IFT80: variants seen among roughly 807,000 people sequenced by gnomAD.
IFT80 encodes intraflagellar transport protein 80 homolog.
Under a neutral mutation model 107.9 loss-of-function variants are expected in IFT80, and 79 were observed. That is an observed-to-expected ratio of 0.73 (90% CI 0.61 to 0.88). The LOEUF is 0.88. Ranked by LOEUF, IFT80 falls within the 40% of genes least tolerant of loss-of-function variation. The pLI is 0.00. For synonymous variants in IFT80, 299 were observed against 300.9 expected (o/e 0.99, Z 0.07); for missense variants, 797 against 914.2 (o/e 0.87, Z 1.65).
chr3:160,295,099 G>C lies in IFT80; in HGVS notation c.1315+5784C>G, dbSNP rs188931328. On this transcript the variant is annotated intron_variant, in intron 12 of 19. Transcript: ENST00000326448. ...TAAGACAGACAGAACATATGTTTGG[G>C]TCAATAGGTAAATGAAAAGATGCTC... Among the ~76,000 whole-genome samples the C allele has an allele frequency of 3.7e-3, 556 of 152,172 alleles. 3 individuals are homozygous for C. The highest frequency in any genetic ancestry group is 5.5e-3 in the Non-Finnish European group (372 of 67,978).
At position 160,277,302 on chromosome 3, in the gene IFT80, T is replaced by C. The variant is rs754398043; in HGVS notation, c.2099+4A>G. 3.4e-5 allele frequency: 54 copies of C among 1,610,328 alleles called. No individual in the cohort carries two copies. In the East Asian group the frequency reaches 9.8e-4, roughly 29 times the overall value. On this transcript the variant is annotated splice_donor_region_variant and intron_variant, in intron 18 of 19. Coordinates refer to ENST00000326448, the MANE Select transcript of IFT80 (RefSeq NM_020800.3). Reference sequence around the variant, plus strand: ...TTGGAACTGATGGAAAGCATTCTTATTACCTTTCCCAGTTGTAGAGATTAA... The same window carrying C: ...TTGGAACTGATGGAAAGCATTCTTACTACCTTTCCCAGTTGTAGAGATTAA...
chr3:160,289,142 A>G (rs902523827), intron 12 of IFT80, among the ~76,000 whole-genome samples: 2 of 152,320 alleles, frequency 1.3e-5, no homozygotes, highest in South Asian at 2.1e-4. Flanking sequence ...AAAAAATGAG[A>G]TCATGTTCTT....
intron 19 of IFT80, 40 bp from the exon 20 acceptor site, chr3:160,258,675 T>C (rs1243651914): frequency 3.1e-6 from 5 of 1,601,624 alleles, no homozygotes; most frequent in Non-Finnish European, 4.2e-6. Flanking sequence ...GCTTAGATAG[T>C]GTAAGACATT....
At position 160,303,993 on chromosome 3, in the gene IFT80, A is replaced by G; in HGVS notation, c.1077-4T>C. 1 of 1,578,852 alleles carries G rather than the reference A, an allele frequency of 6.3e-7. No individual in the cohort carries two copies. The highest frequency in any genetic ancestry group is 8.7e-7 in the Non-Finnish European group (1 of 1,148,308). Reference sequence around the variant, plus strand: ...TGGTGTGTTCCAGTTCTTCGTGCTAAAAGACAAGTAAAATGGATATTTATT... The same window carrying G: ...TGGTGTGTTCCAGTTCTTCGTGCTAGAAGACAAGTAAAATGGATATTTATT... On this transcript the variant is annotated splice_polypyrimidine_tract_variant and splice_region_variant and intron_variant, in intron 10 of 19. Transcript: ENST00000326448.
intron 8 of IFT80, among the ~76,000 whole-genome samples, chr3:160,329,996 C>T (rs1718975050): frequency 6.6e-6 from 1 of 152,170 alleles, no homozygotes; most frequent in African/African-American, 2.4e-5. Context: ...CCAGCAGCAT[C>T]AACATCATGT....
At chr3:160,372,845 G>T (rs1432083595) in intron 5 of IFT80, among the ~76,000 whole-genome samples, 2 of 151,978 alleles carry the variant, frequency 1.3e-5, no homozygotes, top group Non-Finnish European at 1.5e-5. Context: ...TGTATTATAT[G>T]GTATAATCTG....
chr3:160,361,677 T>C (rs1017588174), intron 6 of IFT80, among the ~76,000 whole-genome samples: 4 of 152,156 alleles, frequency 2.6e-5, no homozygotes, highest in African/African-American at 9.7e-5. Flanking sequence ...ACAAACTGTC[T>C]CTCAGACCAC....
chr3:160,339,656 C>T (rs537458602), intron 8 of IFT80, among the ~76,000 whole-genome samples: 25 of 151,866 alleles, frequency 1.6e-4, no homozygotes, highest in African/African-American at 5.8e-4. Context: ...TCGTTTGATA[C>T]AAATAATTTC....
At chr3:160,291,486 G>T (rs779436938) in intron 12 of IFT80, among the ~76,000 whole-genome samples, 2 of 152,144 alleles carry the variant, frequency 1.3e-5, no homozygotes, top group African/African-American at 4.8e-5. Context: ...GTTGACACTC[G>T]GACAGTGGCC....
intron 8 of IFT80, among the ~76,000 whole-genome samples, chr3:160,323,547 G>T (rs1049350401): frequency 2.0e-5 from 3 of 151,984 alleles, no homozygotes; most frequent in Non-Finnish European, 2.9e-5. Context: ...ATAATGAAAT[G>T]AAGGCAGAAA....
intron 12 of IFT80, among the ~76,000 whole-genome samples, chr3:160,297,909 G>A (rs1379844076): frequency 6.6e-6 from 1 of 152,096 alleles, no homozygotes; most frequent in African/African-American, 2.4e-5. Flanking sequence ...ACATGTAATA[G>A]AAACTGGCAG....
At chr3:160,268,928 G>A (rs1478834240) in intron 18 of IFT80, among the ~76,000 whole-genome samples, 2 of 152,048 alleles carry the variant, frequency 1.3e-5, no homozygotes, top group African/African-American at 2.4e-5. Flanking sequence ...TGGTAAATAT[G>A]CATTGAAAAT....
intron 9 of IFT80, among the ~76,000 whole-genome samples, chr3:160,309,617 GT>G (rs1269303478): frequency 3.3e-5 from 5 of 152,106 alleles, no homozygotes; most frequent in Non-Finnish European, 7.3e-5. Flanking sequence ...ACCCCGGGAG[GT>G]GGAGCTTGCA....
chr3:160,279,169 C>T, intron 16 of IFT80, 24 bp downstream of exon 16: 4 of 1,591,756 alleles, frequency 2.5e-6, no homozygotes, highest in Non-Finnish European at 3.4e-6. Context: ...ATATATACAA[C>T]TATGAATCTA....
intron 8 of IFT80, among the ~76,000 whole-genome samples, chr3:160,340,983 G>A (rs115573242): frequency 3.9e-5 from 6 of 151,934 alleles, no homozygotes; most frequent in African/African-American, 9.7e-5. Context: ...ATTTAGATAT[G>A]AGCATAAACA....
intron 6 of IFT80, among the ~76,000 whole-genome samples, chr3:160,361,941 A>G (rs1214282728): frequency 6.6e-6 from 1 of 152,224 alleles, no homozygotes; most frequent in Non-Finnish European, 1.5e-5. Context: ...TCTAAAATTG[A>G]CACCCTAACA....
At chr3:160,388,117 C>T (rs969781265) in intron 1 of IFT80, among the ~76,000 whole-genome samples, 8 of 151,718 alleles carry the variant, frequency 5.3e-5, no homozygotes, top group Admixed American at 5.2e-4. Flanking sequence ...CAATTAGCCG[C>T]ATGCTAAAAT....
intron 18 of IFT80, among the ~76,000 whole-genome samples, chr3:160,275,645 A>C (rs1209855346): frequency 6.6e-6 from 1 of 152,126 alleles, no homozygotes; most frequent in Non-Finnish European, 1.5e-5. Flanking sequence ...CATTACCTTA[A>C]ATTTTTTTTT....
chr3:160,322,226 C>T lies in IFT80; in HGVS notation c.778-2287G>A, dbSNP rs530708456. On this transcript the variant is annotated intron_variant, in intron 8 of 19. Coordinates refer to ENST00000326448, the MANE Select transcript of IFT80 (RefSeq NM_020800.3). ...ACAGTCCCCAGAGTGTGATGTTCCC[C>T]TTCCTGTGTCCATGTGTTCTCATTG... Among the ~76,000 whole-genome samples the T allele has an allele frequency of 1.1e-4, 16 of 147,064 alleles. No individual in the cohort carries two copies. The South Asian group carries it at 3.3e-3, about 31-fold the overall frequency.
Sources: gnomAD v4.1 joint callset for allele counts (sites outside exome capture counted in the v4.1 genomes callset) on GRCh38, gnomAD v4.1.1 for gene constraint, MANE v1.5 for transcripts, NCBI Gene and HGNC (gene_info 2026-07-23, HGNC 2026-07-21) for gene names.